Variants in TC2N observed in about 807,000 individuals in gnomAD.
The protein encoded by TC2N is tandem C2 domains nuclear protein.
Under a neutral mutation model 61.9 loss-of-function variants are expected in TC2N, and 51 were observed. That is an observed-to-expected ratio of 0.82 (90% CI 0.66 to 1.04). The LOEUF is 1.04. TC2N is among the 50% of genes least tolerant of loss of function. The probability of loss-of-function intolerance (pLI) is 0.00; values close to 1 mark genes in which losing one functional copy is unlikely to be tolerated. For synonymous variants in TC2N, 204 were observed against 192.6 expected (o/e 1.06, Z -0.49); for missense variants, 556 against 566.7 (o/e 0.98, Z 0.19).
chr14:91,804,332 T>C (rs995719468), intron 3 of TC2N, among the ~76,000 whole-genome samples: 1 of 152,198 alleles, frequency 6.6e-6, no homozygotes, highest in African/African-American at 2.4e-5. Flanking sequence ...AACAAGCCAT[T>C]CTGAACATAT....
chr14:91,812,413 G>A lies in TC2N; in HGVS notation c.200C>T (p.Pro67Leu), dbSNP rs150531793. 98 of 1,612,586 alleles carry A rather than the reference G, an allele frequency of 6.1e-5. No homozygotes were observed. In the African/African-American group the frequency reaches 1.1e-3, roughly 19 times the overall value. ...AAATGGTACTTCTTTGCCATCAGAT[G>A]GTAATTTGGAAAGCAAATAATCCTC... ...CTEDYLLSKLPSDGKEVPFVV... is the reference protein window; with the variant it reads ...CTEDYLLSKLLSDGKEVPFVV... Residue 67 changes from proline (P) to leucine (L), a missense_variant, in exon 3 of 12, where the codon CCA becomes CTA. Coordinates refer to ENST00000435962, the MANE Select transcript of TC2N (RefSeq NM_001128596.3).
At chr14:91,797,935 A>G (rs1404508058) in intron 7 of TC2N, 34 bp from the exon 8 acceptor site, 4 of 1,297,428 alleles carry the variant, frequency 3.1e-6, no homozygotes, top group African/African-American at 1.5e-5. Flanking sequence ...TGAATTTTAC[A>G]AAGGATCCAA....
chr14:91,826,712 G>A (rs1887516046), intron 1 of TC2N, among the ~76,000 whole-genome samples: 1 of 152,044 alleles, frequency 6.6e-6, no homozygotes. Flanking sequence ...TATCCACTCT[G>A]ACAATCTTTG....
At chr14:91,825,541 CAAT>C (rs1303024551) in intron 1 of TC2N, among the ~76,000 whole-genome samples, 6 of 152,160 alleles carry the variant, frequency 3.9e-5, no homozygotes, top group African/African-American at 1.4e-4. Context: ...CTGCTAAATA[CAAT>C]ATGTGACCCT....
At chr14:91,822,672 G>A (rs987341926) in intron 1 of TC2N, among the ~76,000 whole-genome samples, 1 of 151,836 alleles carries the variant, frequency 6.6e-6, no homozygotes, top group African/African-American at 2.4e-5. Context: ...GGACTTGGTG[G>A]GGCAGGAGGA....
rs1888078826 is a variant in TC2N at position 91,837,939 on chromosome 14, C to G, written c.-56-24114G>C. ...TCACAAATGTTTGCAAAGTTGTGCA[C>G]TGTTCACACAAAACTTTCATGAGTC... On this transcript the variant is annotated intron_variant, in intron 1 of 11. Coordinates refer to ENST00000435962, the MANE Select transcript of TC2N (RefSeq NM_001128596.3). The surrounding 1 kb of genome is among the most constrained non-coding windows in gnomAD (Gnocchi z 4.2). Among the ~76,000 whole-genome samples the G allele has an allele frequency of 6.6e-6, 1 of 152,188 alleles. No homozygotes were observed. The highest frequency in any genetic ancestry group is 2.4e-5 in the African/African-American group (1 of 41,442).
rs1886071129 is a variant in TC2N at position 91,799,027 on chromosome 14, G to A, written c.599C>T (p.Ser200Phe). The change falls in exon 6 of 12, where the codon TCT (serine) becomes TTT (phenylalanine). Residue 200 changes from serine (S) to phenylalanine (F), a missense_variant. Ser to Phe is a radical substitution (Grantham distance 155). Coordinates refer to ENST00000435962, the MANE Select transcript of TC2N (RefSeq NM_001128596.3). ...DSLSSVPSSS[S>F]SRKNSQGSNR... ...ACTCCCCTGAGAATTTTTCCTTGAA[G>A]AAGAACTACTGGGTACACTGGACAA... 1.3e-6 allele frequency: 2 copies of A among 1,597,990 alleles called. No individual in the cohort carries two copies. The highest frequency in any genetic ancestry group is 1.4e-5 in the African/African-American group (1 of 73,560).
At chr14:91,785,830 C>T (rs1045202601) in intron 10 of TC2N, among the ~76,000 whole-genome samples, 1 of 151,832 alleles carries the variant, frequency 6.6e-6, no homozygotes, top group African/African-American at 2.4e-5. Context: ...GGCAGAATAG[C>T]TTGTATAAAC....
chr14:91,817,029 G>A lies in TC2N; in HGVS notation c.-56-3204C>T, dbSNP rs575359897. Reference sequence around the variant, plus strand: ...TTCTCGAAAATGAACTTTATAATCTGTCTAGCCCTAGGAGGAAAAATCTGA... The same window carrying A: ...TTCTCGAAAATGAACTTTATAATCTATCTAGCCCTAGGAGGAAAAATCTGA... On this transcript the variant is annotated intron_variant, in intron 1 of 11. Transcript: ENST00000435962. Among the ~76,000 whole-genome samples, 12 of 151,910 alleles carry A rather than the reference G, an allele frequency of 7.9e-5. No homozygotes were observed. In the South Asian group the frequency reaches 2.3e-3, roughly 29 times the overall value.
chr14:91,816,656 G>C (rs980601168), intron 1 of TC2N, among the ~76,000 whole-genome samples: 11 of 151,780 alleles, frequency 7.2e-5, no homozygotes, highest in Admixed American at 3.9e-4. Flanking sequence ...TTTTCTTCCA[G>C]TACTTAGTAC....
intron 3 of TC2N, among the ~76,000 whole-genome samples, chr14:91,807,861 C>A (rs1220931295): frequency 2.0e-5 from 3 of 152,134 alleles, no homozygotes; most frequent in Non-Finnish European, 1.5e-5. Context: ...CCACCCAAAT[C>A]TCATCTTGAA....
In TC2N at chr14:91,857,609, G is replaced by A. The variant is rs141708926; in HGVS notation, c.-57+9653C>T. Among the ~76,000 whole-genome samples, 282 of 152,262 alleles carry A rather than the reference G, an allele frequency of 1.9e-3. 1 individual carries two copies. The highest frequency in any genetic ancestry group is 6.6e-3 in the African/African-American group (273 of 41,544). ...CCATTTAACAGATGAGAAAAGTGAG[G>A]CTCAAAGAACCTCAGTAAATTAGTC... On this transcript the variant is annotated intron_variant, in intron 1 of 11. Coordinates refer to ENST00000435962, the MANE Select transcript of TC2N (RefSeq NM_001128596.3).
chr14:91,851,691 G>A (rs1301740975), intron 1 of TC2N, among the ~76,000 whole-genome samples: 10 of 152,156 alleles, frequency 6.6e-5, no homozygotes, highest in Admixed American at 3.9e-4. Flanking sequence ...AAATGCCTAT[G>A]TAAAATTATT....
intron 1 of TC2N, among the ~76,000 whole-genome samples, chr14:91,826,282 T>A (rs998736396): frequency 7.0e-6 from 1 of 142,420 alleles, no homozygotes; most frequent in Non-Finnish European, 1.5e-5. Context: ...ATCGCATCAC[T>A]GCACTACAGC....
chr14:91,857,299 G>A (rs1419938358), intron 1 of TC2N, among the ~76,000 whole-genome samples: 1 of 152,212 alleles, frequency 6.6e-6, no homozygotes. Flanking sequence ...CCAGTTTGTA[G>A]AAAGTGGCCA....
In TC2N at chr14:91,793,465, C is replaced by T. The variant is rs113207090; in HGVS notation, c.856-907G>A. 7.8e-3 allele frequency among the ~76,000 whole-genome samples: 1,191 copies of T among 152,246 alleles called. 7 individuals are homozygous for T. Among genetic ancestry groups the T allele is most frequent in the Middle Eastern group, 0.014 (4 of 294 alleles). On this transcript the variant is annotated intron_variant, in intron 8 of 11. Transcript: ENST00000435962. ...TTACATTTTTTAAAAATTGAAGGTT[C>T]GTGGCAACACTGTGTTGAATAAGTC...
rs929956478 is a variant in TC2N at position 91,858,334 on chromosome 14, T to A, written c.-57+8928A>T. On this transcript the variant is annotated intron_variant, in intron 1 of 11. Coordinates refer to ENST00000435962, the MANE Select transcript of TC2N (RefSeq NM_001128596.3). ...AGTTGAGTAAATACAGGATTCAGGG[T>A]TGACATCGACATCTTCAGCAGGTTA... Among the ~76,000 whole-genome samples the A allele has an allele frequency of 2.0e-5, 3 of 152,100 alleles. No homozygotes were observed. The South Asian group carries it at 6.2e-4, about 32-fold the overall frequency.
chr14:91,818,529 C>A (rs931134522), intron 1 of TC2N, among the ~76,000 whole-genome samples: 2 of 150,690 alleles, frequency 1.3e-5, no homozygotes, highest in African/African-American at 2.4e-5. Flanking sequence ...ACCAGGTATA[C>A]AAGGAAGCAA....
chr14:91,817,807 T>C (rs1456936792), intron 1 of TC2N, among the ~76,000 whole-genome samples: 1 of 151,920 alleles, frequency 6.6e-6, no homozygotes, highest in East Asian at 1.9e-4. Flanking sequence ...TGGAGGAAGG[T>C]AGTAGAAAGA....
Sources: gnomAD v4.1 joint callset for allele counts (sites outside exome capture counted in the v4.1 genomes callset) on GRCh38, gnomAD v4.1.1 for gene constraint, Gnocchi (gnomAD v3.1) non-coding constraint, MANE v1.5 for transcripts, NCBI Gene and HGNC (gene_info 2026-07-23, HGNC 2026-07-21) for gene names.